The following TBCD variants were observed in gnomAD, a reference collection of about 807,000 sequenced individuals.
TBCD encodes tubulin-specific chaperone D.
In TBCD, 105 loss-of-function variants were observed where a neutral mutation model predicts 169.3. The observed-to-expected ratio is 0.62, with a 90% CI of 0.53 to 0.73. TBCD has a LOEUF of 0.73. Among genes scored for constraint, TBCD ranks in the 30% least tolerant of loss-of-function variants. The pLI is 0.00. For synonymous variants in TBCD, 700 were observed against 643.9 expected, an observed-to-expected ratio of 1.09 and a Z score of -1.32; for missense variants, 1,444 against 1,600.1, an observed-to-expected ratio of 0.90 and a Z score of 1.66.
chr17:82,762,487 A>G (rs1292109042), intron 2 of TBCD, among the ~76,000 whole-genome samples: 2 of 151,778 alleles, frequency 1.3e-5, no homozygotes, highest in Non-Finnish European at 2.9e-5. Flanking sequence ...GGTGGCTCCT[A>G]CCTGTAATTC....
chr17:82,813,023 A>G (rs1443010106), intron 12 of TBCD, among the ~76,000 whole-genome samples: 4 of 152,234 alleles, frequency 2.6e-5, no homozygotes, highest in South Asian at 4.1e-4. Flanking sequence ...GGGACTTGCT[A>G]TGTTGCCCAG....
intron 13 of TBCD, chr17:82,859,961 C>A (rs1021328226): frequency 1.1e-6 from 1 of 908,872 alleles, no homozygotes; most frequent in African/African-American, 1.8e-5. Context: ...CCTCGTGGTC[C>A]TGCTCTTGGG....
At chr17:82,788,273 T>C (rs1397303529) in intron 7 of TBCD, among the ~76,000 whole-genome samples, 1 of 152,140 alleles carries the variant, frequency 6.6e-6, no homozygotes, top group Non-Finnish European at 1.5e-5. Context: ...GGCTGTCATT[T>C]CATGTGTGAC....
At chr17:82,885,237 G>C (rs996622962) in intron 15 of TBCD, among the ~76,000 whole-genome samples, 1 of 152,096 alleles carries the variant, frequency 6.6e-6, no homozygotes, top group African/African-American at 2.4e-5. Context: ...GACCGGTGAT[G>C]GTTTCCTGTC....
At chr17:82,888,354 T>C (rs1191642832) in intron 15 of TBCD, among the ~76,000 whole-genome samples, 2 of 152,248 alleles carry the variant, frequency 1.3e-5, no homozygotes, top group Non-Finnish European at 2.9e-5. Context: ...TTTCCCTGTT[T>C]TAGGGCTTGT....
At chr17:82,898,415 T>G (rs963216572) in intron 17 of TBCD, among the ~76,000 whole-genome samples, 1 of 152,228 alleles carries the variant, frequency 6.6e-6, no homozygotes, top group Admixed American at 6.5e-5. Flanking sequence ...ACAGCTCTGC[T>G]GCAGACCCTG....
At chr17:82,790,783 C>T (rs2049664170) in intron 7 of TBCD, among the ~76,000 whole-genome samples, 1 of 152,216 alleles carries the variant, frequency 6.6e-6, no homozygotes, top group Non-Finnish European at 1.5e-5. Context: ...TGGATAACCA[C>T]ATCCACTGGC....
chr17:82,834,932 T>C (rs999808561), intron 13 of TBCD, among the ~76,000 whole-genome samples: 1 of 151,912 alleles, frequency 6.6e-6, no homozygotes, highest in African/African-American at 2.4e-5. Context: ...GGGCCGTGGC[T>C]CATGCCTGTA....
intron 28 of TBCD, 60 bp from the exon 29 acceptor site, chr17:82,927,126 C>T (rs944389044): frequency 1.3e-5 from 21 of 1,602,644 alleles, no homozygotes; most frequent in East Asian, 4.5e-5. Flanking sequence ...CAGCCCTCTG[C>T]GATGTGGAAG....
rs1003951141 is a variant in TBCD, at chr17:82,922,258, G to C, written c.2178+681G>C. On this transcript the variant is annotated intron_variant, in intron 25 of 38. Transcript: ENST00000355528. The surrounding 1 kb of genome is among the most constrained non-coding windows in gnomAD (Gnocchi z 4.1). The stretch of plus-strand genomic sequence containing the variant: ...TGCCTGTAATCCCAGCTACTCAAGA[G>C]GCTGAGGCAGGAGAATTGCTTGAAC... Among the ~76,000 whole-genome samples the C allele has an allele frequency of 6.6e-6, 1 of 152,206 alleles. No individual in the cohort carries two copies. The highest frequency in any genetic ancestry group is 1.9e-4 in the East Asian group (1 of 5,202).
chr17:82,926,981 C>T (rs138264773), intron 28 of TBCD: 71 of 691,386 alleles, frequency 1.0e-4, no homozygotes, highest in African/African-American at 4.3e-4. Context: ...ACCTTTCAAC[C>T]GGAGAGACGG....
intron 2 of TBCD, among the ~76,000 whole-genome samples, chr17:82,761,632 A>G (rs1377238771): frequency 1.3e-5 from 2 of 152,134 alleles, no homozygotes; most frequent in African/African-American, 4.8e-5. Context: ...CCGTTGTTAA[A>G]ATAACATCTC....
intron 20 of TBCD, 94 bp downstream of exon 20, chr17:82,906,147 C>G: frequency 7.1e-6 from 7 of 986,270 alleles, no homozygotes; most frequent in Non-Finnish European, 9.1e-6. Flanking sequence ...CTCTCTCATC[C>G]CTTCTCATTT....
intron 14 of TBCD, among the ~76,000 whole-genome samples, chr17:82,871,250 A>T (rs2057536712): frequency 6.6e-6 from 1 of 152,168 alleles, no homozygotes; most frequent in African/African-American, 2.4e-5. Flanking sequence ...TCCCCAGCGC[A>T]GGAAACGATT....
intron 6 of TBCD, among the ~76,000 whole-genome samples, chr17:82,778,150 T>G (rs1233416373): frequency 6.6e-6 from 1 of 152,246 alleles, no homozygotes; most frequent in Non-Finnish European, 1.5e-5. Context: ...TACCAACTAA[T>G]GATTAATGAT....
At position 82,903,634 on chromosome 17, in the gene TBCD, G is replaced by A. The variant is rs1403200274; in HGVS notation, c.1804+156G>A. 6.6e-6 allele frequency among the ~76,000 whole-genome samples: 1 copy of A among 152,242 alleles called. No homozygotes were observed. Among genetic ancestry groups the A allele is most frequent in the African/African-American group, 2.4e-5 (1 of 41,468 alleles). ...GAGCTGTGGACTTGATCAGTGGATA[G>A]GCTGTGAGGACGGATGCGGTGAGTG... is the stretch of plus-strand genomic sequence containing the variant. On this transcript the variant is annotated intron_variant, in intron 19 of 38. Transcript: ENST00000355528. This position sits in a 1 kb window ranked among gnomAD's most constrained non-coding sequence, Gnocchi z 4.8.
chr17:82,828,919 CCTA>C (rs2053209776), intron 13 of TBCD, among the ~76,000 whole-genome samples: 1 of 151,226 alleles, frequency 6.6e-6, no homozygotes, highest in Non-Finnish European at 1.5e-5. Context: ...CACATGCACA[CCTA>C]CACAGTCGAG....
At chr17:82,886,105 G>T (rs1399510298) in intron 15 of TBCD, 5 of 152,284 alleles carry the variant, frequency 3.3e-5, no homozygotes, top group Non-Finnish European at 5.9e-5. Context: ...CCTCCTTGGG[G>T]CTGGACACGG....
chr17:82,873,522 A>G (rs1455221518), intron 14 of TBCD, among the ~76,000 whole-genome samples: 2 of 152,160 alleles, frequency 1.3e-5, no homozygotes, highest in African/African-American at 2.4e-5. Context: ...TGTCCGAACA[A>G]ATCAAGTCCC....
Sources: gnomAD v4.1 joint callset for allele counts (sites outside exome capture counted in the v4.1 genomes callset) on GRCh38, gnomAD v4.1.1 for gene constraint, Gnocchi (gnomAD v3.1) non-coding constraint, MANE v1.5 for transcripts, NCBI Gene and HGNC (gene_info 2026-07-23, HGNC 2026-07-21) for gene names.